KCNK3: variants seen among roughly 807,000 people sequenced by gnomAD.
The protein encoded by KCNK3 is potassium channel subfamily K member 3.
A neutral mutation model predicts 27.3 loss-of-function variants in KCNK3; 9 were observed. That is an observed-to-expected ratio of 0.33 (90% CI 0.20 to 0.57). KCNK3 has a LOEUF of 0.57. Among genes scored for constraint, KCNK3 ranks in the 20% least tolerant of loss-of-function variants. The pLI is 0.87. For missense variants in KCNK3, 391 were observed against 577.7 expected, an observed-to-expected ratio of 0.68 and a Z score of 3.31; for synonymous variants, 278 against 273.8, an observed-to-expected ratio of 1.02 and a Z score of -0.15.
At chr2:26,706,349 C>G (rs938295920) in intron 1 of KCNK3, among the ~76,000 whole-genome samples, 1 of 152,102 alleles carries the variant, frequency 6.6e-6, no homozygotes, top group African/African-American at 2.4e-5. Context: ...GTCCTGGGGA[C>G]AGGTCTGTCT....
At chr2:26,694,523 G>A (rs1670210697) in intron 1 of KCNK3, among the ~76,000 whole-genome samples, 1 of 152,146 alleles carries the variant, frequency 6.6e-6, no homozygotes, top group South Asian at 2.1e-4. Context: ...GCTCCCTGGG[G>A]ACCATGGGGA....
chr2:26,732,367 T>C lies in KCNK3; in HGVS notation c.*3799T>C, dbSNP rs975669952. On this transcript the variant is annotated 3_prime_UTR_variant, in exon 2 of 2. Coordinates refer to ENST00000302909, the MANE Select transcript of KCNK3 (RefSeq NM_002246.3). ...TCACGATCCACTAAATTGATGTCTC[T>C]ACCTGCTAATGGTTTAATACCTGCA... The C allele has an allele frequency of 6.6e-6, 1 of 152,270 alleles. No homozygotes were observed. The highest frequency in any genetic ancestry group is 1.5e-5 in the Non-Finnish European group (1 of 68,052). The allele number at this position is 152,270 out of a possible 1,614,324, so 9.4% of individuals were successfully genotyped here. A position where few individuals can be genotyped will look rare whatever the true frequency, so the allele number is the denominator to read the frequency against.
chr2:26,723,405 A>G (rs1350942008), intron 1 of KCNK3, among the ~76,000 whole-genome samples: 1 of 152,194 alleles, frequency 6.6e-6, no homozygotes. Context: ...CTGCTGCCCT[A>G]AAATATTTAC....
At position 26,732,634 on chromosome 2, in the gene KCNK3, G is replaced by C. The variant is rs1361939801; in HGVS notation, c.*4066G>C. 1 of 152,286 alleles carries C rather than the reference G, an allele frequency of 6.6e-6. No individual in the cohort carries two copies. Among genetic ancestry groups the C allele is most frequent in the African/African-American group, 2.4e-5 (1 of 41,460 alleles). The allele number at this position is 152,286 out of a possible 1,614,324, so 9.4% of individuals were successfully genotyped here. Reference sequence around the variant, plus strand: ...GCTCCTTGTTGGCCTGCAGCCCTCAGGGGGCTTAGTTGCCATTGACTCACC... The same window carrying C: ...GCTCCTTGTTGGCCTGCAGCCCTCACGGGGCTTAGTTGCCATTGACTCACC... On this transcript the variant is annotated 3_prime_UTR_variant, in exon 2 of 2. Coordinates refer to ENST00000302909, the MANE Select transcript of KCNK3 (RefSeq NM_002246.3).
chr2:26,716,153 T>G (rs551857884), intron 1 of KCNK3, among the ~76,000 whole-genome samples: 2 of 152,326 alleles, frequency 1.3e-5, no homozygotes, highest in South Asian at 4.1e-4. Flanking sequence ...GGCAGCCAAG[T>G]GCAGCAGAAA....
chr2:26,698,089 T>A (rs1366210720), intron 1 of KCNK3, among the ~76,000 whole-genome samples: 2 of 152,134 alleles, frequency 1.3e-5, no homozygotes, highest in Admixed American at 6.5e-5. Context: ...GCACTGGTGT[T>A]CTCTGCATCC....
rs1239479027 is a variant in KCNK3, at chr2:26,731,684, C to T, written c.*3116C>T. The T allele has an allele frequency of 3.3e-5, 5 of 152,236 alleles. No individual in the cohort carries two copies. Among genetic ancestry groups the T allele is most frequent in the Admixed American group, 2.0e-4 (3 of 15,290 alleles). 9.4% of individuals were successfully genotyped at this position (152,236 alleles called of 1,614,324 possible). ...TCCCTTTTGGGATTTCCCAGAAGAT[C>T]CAGATTTTCTTAAGTCCCCTTGGAA... On this transcript the variant is annotated 3_prime_UTR_variant, in exon 2 of 2. Coordinates refer to ENST00000302909, the MANE Select transcript of KCNK3 (RefSeq NM_002246.3).
chr2:26,697,191 T>C (rs1376431733), intron 1 of KCNK3, among the ~76,000 whole-genome samples: 1 of 152,154 alleles, frequency 6.6e-6, no homozygotes, highest in Non-Finnish European at 1.5e-5. Context: ...TCACGAATTC[T>C]TTCTCCATTT....
At chr2:26,697,121 G>A (rs1057178477) in intron 1 of KCNK3, among the ~76,000 whole-genome samples, 10 of 152,224 alleles carry the variant, frequency 6.6e-5, no homozygotes, top group East Asian at 3.9e-4. Context: ...CTCAGGCCTC[G>A]GAAGCATGGC....
At chr2:26,726,955 G>T (rs147501158) in intron 1 of KCNK3, among the ~76,000 whole-genome samples, 1 of 152,202 alleles carries the variant, frequency 6.6e-6, no homozygotes, top group African/African-American at 2.4e-5. Context: ...GGCTGATGGG[G>T]ACCCTGGAAC....
chr2:26,726,100 CACACACAGAGAG>C lies in KCNK3; in HGVS notation c.284-1565_284-1554del, dbSNP rs1222332679. ...TCATGCATACACACACACACACACACACACACAGAGAGAGAGAGAGAGAGAGAGAGAGAGAGA... is the reference window on the plus strand; with the variant it reads ...TCATGCATACACACACACACACACACAGAGAGAGAGAGAGAGAGAGAGAGA... On this transcript the variant is annotated intron_variant, in intron 1 of 1. Coordinates refer to ENST00000302909, the MANE Select transcript of KCNK3 (RefSeq NM_002246.3). 1.4e-3 allele frequency among the ~76,000 whole-genome samples: 153 copies of C among 109,740 alleles called. 1 individual carries two copies. Among genetic ancestry groups the C allele is most frequent in the African/African-American group, 5.5e-3 (133 of 24,122 alleles). 72.0% of individuals were successfully genotyped at this position (109,740 alleles called of 152,430 possible). A position where few individuals can be genotyped will look rare whatever the true frequency, so the allele number is the denominator to read the frequency against.
intron 1 of KCNK3, among the ~76,000 whole-genome samples, chr2:26,717,647 G>C (rs1414898262): frequency 6.6e-6 from 1 of 152,380 alleles, no homozygotes; most frequent in South Asian, 2.1e-4. Flanking sequence ...CTGTCCAGCT[G>C]GTCATGAGGA....
At chr2:26,700,747 A>AT (rs55883245) in intron 1 of KCNK3, among the ~76,000 whole-genome samples, 29 of 150,748 alleles carry the variant, frequency 1.9e-4, no homozygotes, top group Non-Finnish European at 1.5e-4. Flanking sequence ...CATCATCATC[A>AT]CCATCATCAT....
chr2:26,725,247 G>A (rs1181381645), intron 1 of KCNK3, among the ~76,000 whole-genome samples: 2 of 152,174 alleles, frequency 1.3e-5, no homozygotes, highest in African/African-American at 4.8e-5. Context: ...CACGACCACT[G>A]CTTCCATCTC....
At chr2:26,699,245 G>GC (rs1558594811) in intron 1 of KCNK3, among the ~76,000 whole-genome samples, 30 of 150,782 alleles carry the variant, frequency 2.0e-4, no homozygotes, top group African/African-American at 7.1e-4. Context: ...AAGAAAGAAA[G>GC]AAAGAAAGCC....
rs547007727 is a variant in KCNK3, at chr2:26,725,340, G to A, written c.284-2327G>A. On this transcript the variant is annotated intron_variant, in intron 1 of 1. Coordinates refer to ENST00000302909, the MANE Select transcript of KCNK3 (RefSeq NM_002246.3). ...GGCTCTGGCGGGCAGCGAGGGTGGGGGTTAATAGCTCTAGCTCAATCTTCC... is the reference window on the plus strand; with the variant it reads ...GGCTCTGGCGGGCAGCGAGGGTGGGAGTTAATAGCTCTAGCTCAATCTTCC... Among the ~76,000 whole-genome samples the A allele has an allele frequency of 5.1e-4, 77 of 152,220 alleles. No individual in the cohort carries two copies. In the South Asian group the frequency reaches 0.014, roughly 28 times the overall value.
At chr2:26,704,296 A>G (rs1199236929) in intron 1 of KCNK3, among the ~76,000 whole-genome samples, 1 of 152,122 alleles carries the variant, frequency 6.6e-6, no homozygotes, top group South Asian at 2.1e-4. Flanking sequence ...TGATGCTGCC[A>G]TCCAACACTG....
chr2:26,695,417 C>T (rs1422554373), intron 1 of KCNK3, among the ~76,000 whole-genome samples: 2 of 152,172 alleles, frequency 1.3e-5, no homozygotes, highest in African/African-American at 4.8e-5. Flanking sequence ...CCATGCTAAC[C>T]TTCCAGGTCC....
At chr2:26,708,507 C>T (rs1663030568) in intron 1 of KCNK3, among the ~76,000 whole-genome samples, 1 of 152,048 alleles carries the variant, frequency 6.6e-6, no homozygotes, top group Admixed American at 6.5e-5. Context: ...AACCCTGTCT[C>T]TACTAAAAGA....
Sources: gnomAD v4.1 joint callset for allele counts (sites outside exome capture counted in the v4.1 genomes callset) on GRCh38, gnomAD v4.1.1 for gene constraint, MANE v1.5 for transcripts, NCBI Gene and HGNC (gene_info 2026-07-23, HGNC 2026-07-21) for gene names.